The following MSRA variants were observed in gnomAD, a reference collection of about 807,000 sequenced individuals.
The protein encoded by MSRA is mitochondrial peptide methionine sulfoxide reductase.
Under a neutral mutation model 31.3 loss-of-function variants are expected in MSRA, and 54 were observed. The observed-to-expected ratio is 1.73, with a 90% confidence interval of 1.39 to 2.17. The LOEUF (loss-of-function observed/expected upper bound fraction) is 2.17. Among genes scored for constraint, MSRA ranks in the 30% most tolerant of loss-of-function variants. MSRA has a pLI of 0.00. For synonymous variants in MSRA, 169 were observed against 116.5 expected, an observed-to-expected ratio of 1.45 and a Z score of -2.90; for missense variants, 507 against 300.9, an observed-to-expected ratio of 1.69 and a Z score of -5.07.
intron 1 of MSRA, among the ~76,000 whole-genome samples, chr8:10,079,544 G>A (rs1798175230): frequency 6.6e-6 from 1 of 152,158 alleles, no homozygotes; most frequent in Non-Finnish European, 1.5e-5. Context: ...TGAGCTCCTG[G>A]TAGAAATGAA....
chr8:10,427,922 A>G (rs1563471009), intron 5 of MSRA, among the ~76,000 whole-genome samples: 1 of 152,188 alleles, frequency 6.6e-6, no homozygotes, highest in Non-Finnish European at 1.5e-5. Context: ...TGATTTAAAA[A>G]TCTGATATAA....
chr8:10,337,623 T>C (rs1366831067), intron 5 of MSRA: 1 of 677,860 alleles, frequency 1.5e-6, no homozygotes, highest in Non-Finnish European at 2.7e-6. Flanking sequence ...CTGGTCCTGA[T>C]ATTGGATATT....
chr8:10,207,037 C>G (rs1809051840), intron 1 of MSRA, among the ~76,000 whole-genome samples: 1 of 152,192 alleles, frequency 6.6e-6, no homozygotes. Flanking sequence ...TTTGTGTTTT[C>G]CACATAAGTG....
chr8:10,306,364 C>T (rs1033920275), intron 4 of MSRA, among the ~76,000 whole-genome samples: 7 of 152,060 alleles, frequency 4.6e-5, no homozygotes, highest in South Asian at 2.1e-4. Flanking sequence ...ATTGTTGTTA[C>T]GTCTTTTTCA....
At chr8:10,236,948 G>T (rs1269263754) in intron 2 of MSRA, among the ~76,000 whole-genome samples, 1 of 152,210 alleles carries the variant, frequency 6.6e-6, no homozygotes, top group Non-Finnish European at 1.5e-5. Context: ...TGTTTTCATA[G>T]TAGTAAAATA....
chr8:10,118,866 G>T (rs997079247), intron 1 of MSRA, among the ~76,000 whole-genome samples: 2 of 152,192 alleles, frequency 1.3e-5, no homozygotes, highest in African/African-American at 4.8e-5. Flanking sequence ...GGATACAGGG[G>T]TTCTTTGGGA....
chr8:10,386,049 A>G (rs1349266289), intron 5 of MSRA, among the ~76,000 whole-genome samples: 1 of 152,212 alleles, frequency 6.6e-6, no homozygotes, highest in Non-Finnish European at 1.5e-5. Flanking sequence ...AATGGATGGC[A>G]GTCTCGTCAA....
intron 1 of MSRA, among the ~76,000 whole-genome samples, chr8:10,196,486 G>A (rs1025184497): frequency 6.6e-6 from 1 of 151,852 alleles, no homozygotes. Context: ...TGCTGCTTCT[G>A]TGGGTCAGGA....
At chr8:10,228,588 C>T (rs1056954798) in intron 2 of MSRA, among the ~76,000 whole-genome samples, 7 of 152,168 alleles carry the variant, frequency 4.6e-5, no homozygotes, top group East Asian at 1.9e-4. Context: ...TGCAGGCATC[C>T]GTAGTGGTCC....
chr8:10,158,942 C>T (rs1036873478), intron 1 of MSRA, among the ~76,000 whole-genome samples: 2 of 152,150 alleles, frequency 1.3e-5, no homozygotes, highest in African/African-American at 2.4e-5. Context: ...AATGTTATCT[C>T]ATTGTAATTT....
At chr8:10,183,903 AGTG>A (rs1806781993) in intron 1 of MSRA, among the ~76,000 whole-genome samples, 1 of 67,594 alleles carries the variant, frequency 1.5e-5, no homozygotes, top group Non-Finnish European at 3.2e-5. Flanking sequence ...TGGTGGTGGT[AGTG>A]GTGGTGATGG....
chr8:10,427,024 A>G (rs572907919), intron 5 of MSRA, among the ~76,000 whole-genome samples: 1 of 151,538 alleles, frequency 6.6e-6, no homozygotes, highest in Non-Finnish European at 1.5e-5. Context: ...GAAATAAGTG[A>G]CGTTGCTCAA....
intron 5 of MSRA, among the ~76,000 whole-genome samples, chr8:10,397,148 C>G (rs986628557): frequency 1.3e-5 from 2 of 152,236 alleles, no homozygotes; most frequent in Non-Finnish European, 2.9e-5. Context: ...TCACCTTTGT[C>G]TCCCGGCTTG....
intron 1 of MSRA, among the ~76,000 whole-genome samples, chr8:10,166,212 A>T (rs992163019): frequency 6.6e-5 from 10 of 152,216 alleles, no homozygotes; most frequent in African/African-American, 2.2e-4. Flanking sequence ...GCTTCTTTAG[A>T]AGTTTTGGAG....
At chr8:10,179,420 C>G (rs776576549) in intron 1 of MSRA, among the ~76,000 whole-genome samples, 4 of 152,130 alleles carry the variant, frequency 2.6e-5, no homozygotes, top group Non-Finnish European at 5.9e-5. Flanking sequence ...ACTTTCAGCT[C>G]TGAGAGTCGA....
At chr8:10,254,206 G>T (rs1048126773) in intron 3 of MSRA, among the ~76,000 whole-genome samples, 1 of 152,188 alleles carries the variant, frequency 6.6e-6, no homozygotes, top group Admixed American at 6.5e-5. Context: ...AGAATGGGAG[G>T]TAGCATCACG....
At chr8:10,173,992 A>G (rs974555647) in intron 1 of MSRA, among the ~76,000 whole-genome samples, 2 of 152,116 alleles carry the variant, frequency 1.3e-5, no homozygotes, top group African/African-American at 4.8e-5. Context: ...CAGATTTCTA[A>G]GACAAGACAA....
At chr8:10,417,879 A>G (rs1039045577) in intron 5 of MSRA, among the ~76,000 whole-genome samples, 2 of 151,938 alleles carry the variant, frequency 1.3e-5, no homozygotes, top group East Asian at 2.0e-4. Flanking sequence ...AGAAGGGGGA[A>G]GGTAGGAACC....
chr8:10,114,398 T>C (rs1800524412), intron 1 of MSRA, among the ~76,000 whole-genome samples: 1 of 152,238 alleles, frequency 6.6e-6, no homozygotes, highest in Non-Finnish European at 1.5e-5. Flanking sequence ...TTTAACTTTT[T>C]GAAGAATGTC....
Sources: gnomAD v4.1 joint callset for allele counts (sites outside exome capture counted in the v4.1 genomes callset) on GRCh38, gnomAD v4.1.1 for gene constraint, MANE v1.5 for transcripts, NCBI Gene and HGNC (gene_info 2026-07-23, HGNC 2026-07-21) for gene names.